Variants in GSDMC observed in about 807,000 individuals in gnomAD.
GSDMC encodes gasdermin C.
In GSDMC, 59 loss-of-function variants were observed where a neutral mutation model predicts 58.0. The observed-to-expected ratio is 1.02, with a 90% CI of 0.82 to 1.26. GSDMC has a LOEUF of 1.26. Ranked by LOEUF, GSDMC falls within the 50% of genes most tolerant of loss-of-function variation. The probability of loss-of-function intolerance (pLI) is 0.00; values close to 1 mark genes in which losing one functional copy is unlikely to be tolerated. For synonymous variants in GSDMC, 241 were observed against 220.2 expected, an observed-to-expected ratio of 1.09 and a Z score of -0.83; for missense variants, 659 against 598.5, an observed-to-expected ratio of 1.10 and a Z score of -1.06.
chr8:129,742,040 A>G, the GSDMC span, among the ~76,000 whole-genome samples: 4 of 151,736 alleles, frequency 2.6e-5, no homozygotes, highest in Admixed American at 6.6e-5. Context: ...AGCCAGGCAC[A>G]AAAGGAAAAA....
chr8:129,779,629 A>AAT (rs1209553019), intron 1 of GSDMC, among the ~76,000 whole-genome samples: 2 of 151,734 alleles, frequency 1.3e-5, no homozygotes. Flanking sequence ...TAAAAAAGAA[A>AAT]ATATATATAT....
At chr8:129,785,326 A>G (rs2130601883) in intron 1 of GSDMC, among the ~76,000 whole-genome samples, 1 of 151,652 alleles carries the variant, frequency 6.6e-6, no homozygotes, top group African/African-American at 2.4e-5. Flanking sequence ...TATTTATGAA[A>G]GCTAAAAATT....
At position 129,748,567 on chromosome 8, in the gene GSDMC, T is replaced by C; in HGVS notation, c.1461A>G (p.Glu487=). 1.2e-6 allele frequency: 2 copies of C among 1,613,856 alleles called. No homozygotes were observed. Among genetic ancestry groups the C allele is most frequent in the Non-Finnish European group, 1.7e-6 (2 of 1,179,840 alleles). ...AGAGGGCAGACAGGGGCATCTTTGC[T>C]TCTACATCCCAGGTTGACCTGGGGT... The part of the protein sequence containing the change: ...LDNPRSTWDV[E]AKMPLSALYG... The change falls in exon 14 of 14, where the codon GAA becomes GAG. Residue 487 remains glutamate, a synonymous_variant. Coordinates refer to ENST00000276708, the MANE Select transcript of GSDMC (RefSeq NM_031415.3).
chr8:129,743,640 G>T (rs892547736), downstream of GSDMC, among the ~76,000 whole-genome samples: 1 of 152,154 alleles, frequency 6.6e-6, no homozygotes, highest in East Asian at 1.9e-4. Flanking sequence ...AATTGTGAAT[G>T]TTGCATTATT....
At chr8:129,756,981 T>C (rs1044827416) in intron 6 of GSDMC, among the ~76,000 whole-genome samples, 8 of 151,786 alleles carry the variant, frequency 5.3e-5, no homozygotes, top group Admixed American at 1.3e-4. Flanking sequence ...AACTACCTTA[T>C]GATGCATCTT....
the GSDMC span, among the ~76,000 whole-genome samples, chr8:129,739,160 C>T: frequency 6.6e-5 from 10 of 152,262 alleles, 1 homozygote; most frequent in East Asian, 1.7e-3. Flanking sequence ...ACGTTCAAGG[C>T]AGGTCATTCC....
At chr8:129,710,131 T>C in the GSDMC span, among the ~76,000 whole-genome samples, 1 of 152,258 alleles carries the variant, frequency 6.6e-6, no homozygotes, top group Non-Finnish European at 1.5e-5. Flanking sequence ...ATTTTTTTTC[T>C]GGGTGCTTTG....
downstream of GSDMC, among the ~76,000 whole-genome samples, chr8:129,747,552 T>A (rs1393997632): frequency 6.6e-6 from 1 of 152,178 alleles, no homozygotes; most frequent in Non-Finnish European, 1.5e-5. Context: ...TGATGAGACG[T>A]CATATTTAAA....
the GSDMC span, among the ~76,000 whole-genome samples, chr8:129,739,172 G>A: frequency 6.6e-6 from 1 of 152,188 alleles, no homozygotes; most frequent in African/African-American, 2.4e-5. Context: ...GGTCATTCCA[G>A]GCAGAAGGAA....
chr8:129,715,023 C>T, the GSDMC span, among the ~76,000 whole-genome samples: 2 of 152,196 alleles, frequency 1.3e-5, no homozygotes, highest in African/African-American at 4.8e-5. Context: ...GATGGTAAGG[C>T]GTCTATGCTT....
chr8:129,758,374 A>C (rs1344336788), intron 6 of GSDMC, among the ~76,000 whole-genome samples: 1 of 152,216 alleles, frequency 6.6e-6, no homozygotes, highest in Admixed American at 6.5e-5. Context: ...TAGAGCAATC[A>C]GACAAGAGAA....
At chr8:129,714,088 G>C in the GSDMC span, among the ~76,000 whole-genome samples, 1 of 152,196 alleles carries the variant, frequency 6.6e-6, no homozygotes, top group Non-Finnish European at 1.5e-5. Flanking sequence ...GCTGCAGACA[G>C]GGAGTGACAG....
At chr8:129,722,698 ATAAAT>A in the GSDMC span, among the ~76,000 whole-genome samples, 1 of 152,240 alleles carries the variant, frequency 6.6e-6, no homozygotes, top group South Asian at 2.1e-4. Context: ...TATTTATTGA[ATAAAT>A]GAATGAATGA....
the GSDMC span, among the ~76,000 whole-genome samples, chr8:129,739,679 C>A: frequency 1.3e-5 from 2 of 152,166 alleles, no homozygotes; most frequent in Non-Finnish European, 2.9e-5. Context: ...GTCAACAAAC[C>A]TACTTCACAG....
intron 6 of GSDMC, among the ~76,000 whole-genome samples, chr8:129,754,748 TTTAAA>T: frequency 6.6e-6 from 1 of 152,262 alleles, no homozygotes; most frequent in East Asian, 1.9e-4. Flanking sequence ...ATCAGGCACA[TTTAAA>T]AAAGAAATTG....
At chr8:129,744,090 T>C (rs2032917663), downstream of GSDMC, among the ~76,000 whole-genome samples, 1 of 152,098 alleles carries the variant, frequency 6.6e-6, no homozygotes, top group South Asian at 2.1e-4. Flanking sequence ...GTTAGTTCCT[T>C]TGGCCTCCTC....
chr8:129,725,659 C>T, the GSDMC span, among the ~76,000 whole-genome samples: 10 of 152,282 alleles, frequency 6.6e-5, no homozygotes, highest in East Asian at 1.5e-3. Context: ...ATTACTATTG[C>T]TGTTAGTTCC....
intron 7 of GSDMC, 150 bp downstream of exon 7, chr8:129,752,547 CA>C: frequency 4.8e-6 from 6 of 1,254,256 alleles, no homozygotes; most frequent in Middle Eastern, 2.8e-4. Context: ...AAGTTCTAAG[CA>C]AAAAAACACT....
At chr8:129,734,982 C>CA in the GSDMC span, among the ~76,000 whole-genome samples, 24 of 151,218 alleles carry the variant, frequency 1.6e-4, no homozygotes, top group African/African-American at 4.9e-4. Flanking sequence ...AAATGGAAAG[C>CA]AAAAAAAAGC....
Sources: gnomAD v4.1 joint callset for allele counts (sites outside exome capture counted in the v4.1 genomes callset) on GRCh38, gnomAD v4.1.1 for gene constraint, MANE v1.5 for transcripts, NCBI Gene and HGNC (gene_info 2026-07-23, HGNC 2026-07-21) for gene names.